Variants in TBC1D5 observed in about 807,000 individuals in gnomAD.
TBC1D5 encodes TBC1 domain family member 5.
TBC1D5 carries 75 observed loss-of-function variants against 100.3 expected under a neutral mutation model. That is an observed-to-expected ratio of 0.75 (90% confidence interval 0.62 to 0.91). TBC1D5 has a LOEUF of 0.91. Among genes scored for constraint, TBC1D5 ranks in the 40% least tolerant of loss-of-function variants. TBC1D5 has a pLI of 0.00. For missense variants in TBC1D5, 910 were observed against 942.4 expected (o/e 0.97, Z 0.45); for synonymous variants, 323 against 325.6 (o/e 0.99, Z 0.09).
intron 1 of TBC1D5, among the ~76,000 whole-genome samples, chr3:17,698,026 G>A (rs1366014064): frequency 4.0e-5 from 6 of 151,850 alleles, no homozygotes; most frequent in Admixed American, 2.6e-4. Flanking sequence ...TTTCTTCACA[G>A]AATTGGAAAA....
In TBC1D5 at chr3:17,166,855, G is replaced by GT; in HGVS notation, c.2005dup (p.Thr669AsnfsTer29). The stretch of plus-strand genomic sequence containing the variant: ...GGAGCAGTAGTGGTTGTCCGCAATG[G>GT]TGATCTGTTCGTTCTCTTCGGCCTC... On this transcript the variant is annotated frameshift_variant, in exon 21 of 22. Coordinates refer to ENST00000253692, the Ensembl canonical transcript of TBC1D5. LOFTEE classifies it high-confidence loss of function. 6.2e-7 allele frequency: 1 copy of GT among 1,614,206 alleles called. No individual in the cohort carries two copies. The highest frequency in any genetic ancestry group is 8.5e-7 in the Non-Finnish European group (1 of 1,180,026).
At chr3:17,646,782 T>C (rs1329775822) in intron 1 of TBC1D5, among the ~76,000 whole-genome samples, 4 of 152,000 alleles carry the variant, frequency 2.6e-5, no homozygotes, top group Non-Finnish European at 4.4e-5. Flanking sequence ...AGTCTGATTT[T>C]TTTTTAAATT....
At chr3:17,162,356 C>T (rs1412980772) in intron 21 of TBC1D5, among the ~76,000 whole-genome samples, 1 of 152,244 alleles carries the variant, frequency 6.6e-6, no homozygotes, top group Non-Finnish European at 1.5e-5. Context: ...GAATGAGTAA[C>T]AGCTCTCAGG....
At chr3:17,490,255 A>G (rs879079393) in intron 3 of TBC1D5, among the ~76,000 whole-genome samples, 1 of 152,090 alleles carries the variant, frequency 6.6e-6, no homozygotes, top group East Asian at 1.9e-4. Context: ...CCTTTGTCAG[A>G]TGGAGATATT....
chr3:17,671,226 T>A (rs1490052275), intron 1 of TBC1D5, among the ~76,000 whole-genome samples: 1 of 152,190 alleles, frequency 6.6e-6, no homozygotes, highest in African/African-American at 2.4e-5. Context: ...AGATGTACAA[T>A]ACAGATGCAG....
intron 1 of TBC1D5, among the ~76,000 whole-genome samples, chr3:17,696,688 G>T (rs1246627671): frequency 6.6e-6 from 1 of 152,140 alleles, no homozygotes; most frequent in Admixed American, 6.5e-5. Context: ...AAGAGGAGCT[G>T]GTACCATTCC....
At position 17,270,266 on chromosome 3, in the gene TBC1D5, A is replaced by G. The variant is rs144511569; in HGVS notation, c.1246-11675T>C. 2.5e-3 allele frequency among the ~76,000 whole-genome samples: 380 copies of G among 152,142 alleles called. 3 individuals carry two copies. The highest frequency in any genetic ancestry group is 8.7e-3 in the African/African-American group (360 of 41,514). ...TCAGTGATGTTGAGCATTTTTTCAT[A>G]TGCTTGTTGGACACTTGTATGTTTT... On this transcript the variant is annotated intron_variant, in intron 15 of 21. Transcript: ENST00000253692.
chr3:17,178,868 C>G (rs2125389196), intron 19 of TBC1D5, among the ~76,000 whole-genome samples: 1 of 152,030 alleles, frequency 6.6e-6, no homozygotes, highest in East Asian at 1.9e-4. Context: ...TGGTCTTGAA[C>G]TCCTGAGCTT....
At chr3:17,737,162 A>G (rs1352360823) in intron 1 of TBC1D5, among the ~76,000 whole-genome samples, 2 of 152,016 alleles carry the variant, frequency 1.3e-5, no homozygotes, top group South Asian at 4.2e-4. Context: ...ATCAGGTGGG[A>G]GCCGTTTTTC....
intron 13 of TBC1D5, among the ~76,000 whole-genome samples, chr3:17,361,466 A>G (rs1009357090): frequency 6.6e-6 from 1 of 152,116 alleles, no homozygotes; most frequent in African/African-American, 2.4e-5. Flanking sequence ...ATAGTAGAAT[A>G]AACAATCATT....
At chr3:17,260,850 TATG>T (rs1347326551) in intron 15 of TBC1D5, among the ~76,000 whole-genome samples, 2 of 152,218 alleles carry the variant, frequency 1.3e-5, no homozygotes, top group African/African-American at 2.4e-5. Context: ...TCTAAAATAT[TATG>T]ATTTTAACAT....
In TBC1D5 at chr3:17,504,812, A is replaced by G. The variant is rs181459425; in HGVS notation, c.97+3662T>C. 5.9e-5 allele frequency among the ~76,000 whole-genome samples: 9 copies of G among 152,336 alleles called. No homozygotes were observed. In the East Asian group the frequency reaches 1.2e-3, roughly 20 times the overall value. Reference sequence around the variant, plus strand: ...TTCAGCAGAAGAAACCCATCTTTTAATCAAATTTAAATCCACCTCTACTAT... The same window carrying G: ...TTCAGCAGAAGAAACCCATCTTTTAGTCAAATTTAAATCCACCTCTACTAT... On this transcript the variant is annotated intron_variant, in intron 3 of 21. Transcript: ENST00000253692.
chr3:17,717,257 C>CAA (rs11322595), intron 1 of TBC1D5, among the ~76,000 whole-genome samples: 1 of 140,754 alleles, frequency 7.1e-6, no homozygotes. Flanking sequence ...AAGGATTTTT[C>CAA]AAAAAAAAAA....
At chr3:17,344,798 G>C (rs1033455582) in intron 13 of TBC1D5, among the ~76,000 whole-genome samples, 39 of 152,222 alleles carry the variant, frequency 2.6e-4, no homozygotes, top group East Asian at 7.7e-4. Context: ...ACAAACCTGA[G>C]AAAAACAAGC....
intron 2 of TBC1D5, among the ~76,000 whole-genome samples, chr3:17,522,163 CTT>C (rs1003061546): frequency 1.3e-5 from 2 of 151,848 alleles, no homozygotes; most frequent in Non-Finnish European, 2.9e-5. Context: ...AAATAATAAA[CTT>C]GAGTATCATT....
At chr3:17,290,549 C>T (rs371693199) in intron 15 of TBC1D5, among the ~76,000 whole-genome samples, 11 of 152,136 alleles carry the variant, frequency 7.2e-5, no homozygotes, top group African/African-American at 2.4e-4. Flanking sequence ...CTAAAAATTC[C>T]TAATGCTAAG....
chr3:17,232,059 T>C (rs1004439419), intron 17 of TBC1D5, among the ~76,000 whole-genome samples: 3 of 152,150 alleles, frequency 2.0e-5, no homozygotes, highest in Admixed American at 6.6e-5. Context: ...ACTCAATAAA[T>C]ACTTGTTGAA....
intron 13 of TBC1D5, among the ~76,000 whole-genome samples, chr3:17,324,643 CA>C (rs202185640): frequency 3.4e-5 from 5 of 147,864 alleles, no homozygotes; most frequent in African/African-American, 1.2e-4. Context: ...GACTCTGTCT[CA>C]AAAAAAAATG....
exon 8 of TBC1D5, chr3:17,403,225 T>G: frequency 6.3e-7 from 1 of 1,590,836 alleles, no homozygotes; most frequent in Non-Finnish European, 8.6e-7. Context: ...GTTCTTTATC[T>G]TGGAAGAATT....
Sources: gnomAD v4.1 joint callset for allele counts (sites outside exome capture counted in the v4.1 genomes callset) on GRCh38, gnomAD v4.1.1 for gene constraint, MANE v1.5 for transcripts, NCBI Gene and HGNC (gene_info 2026-07-23, HGNC 2026-07-21) for gene names.